The following AIM2 variants were observed in gnomAD, a reference collection of about 807,000 sequenced individuals.
AIM2 encodes the protein interferon-inducible protein AIM2.
Under a neutral mutation model 27.7 loss-of-function variants are expected in AIM2, and 30 were observed. The observed-to-expected ratio is 1.08, with a 90% CI of 0.81 to 1.47. The LOEUF is 1.47. Among genes scored for constraint, AIM2 ranks in the 40% most tolerant of loss-of-function variants. The pLI is 0.00. For missense variants in AIM2, 358 were observed against 411.3 expected, an observed-to-expected ratio of 0.87 and a Z score of 1.12; for synonymous variants, 141 against 145.3, an observed-to-expected ratio of 0.97 and a Z score of 0.21.
At chr1:159,111,651 A>G (rs1657574228) in intron 1 of AIM2, among the ~76,000 whole-genome samples, 1 of 152,106 alleles carries the variant, frequency 6.6e-6, no homozygotes, top group South Asian at 2.1e-4. Context: ...TTAAAAGATG[A>G]AAGCAAACAT....
chr1:159,063,963 TTC>T (rs1488737545), intron 4 of AIM2, among the ~76,000 whole-genome samples: 1 of 152,222 alleles, frequency 6.6e-6, no homozygotes. Flanking sequence ...TTAGTATATT[TTC>T]TTTTTTATAA....
At chr1:159,056,902 G>A in the AIM2 span, among the ~76,000 whole-genome samples, 1 of 152,056 alleles carries the variant, frequency 6.6e-6, no homozygotes, top group Non-Finnish European at 1.5e-5. Context: ...TATCAGTGAA[G>A]AGAGAACTGA....
chr1:159,128,328 G>C (rs533633485), intron 1 of AIM2, among the ~76,000 whole-genome samples: 1 of 151,828 alleles, frequency 6.6e-6, no homozygotes, highest in Non-Finnish European at 1.5e-5. Context: ...TGACTCTGGG[G>C]TTACACGAGT....
At chr1:159,143,365 T>A (rs1189740519), upstream of AIM2, among the ~76,000 whole-genome samples, 1 of 152,110 alleles carries the variant, frequency 6.6e-6, no homozygotes, top group Non-Finnish European at 1.5e-5. Context: ...ATTGTGTCTA[T>A]TATAGACTTG....
upstream of AIM2, among the ~76,000 whole-genome samples, chr1:159,143,166 T>C (rs1388687530): frequency 6.6e-6 from 1 of 152,052 alleles, no homozygotes; most frequent in Non-Finnish European, 1.5e-5. Context: ...AATTACAACA[T>C]CTCCCACTTC....
At chr1:159,065,796 T>C in intron 4 of AIM2, 114 bp downstream of exon 4, 1 of 1,165,772 alleles carries the variant, frequency 8.6e-7, no homozygotes, top group Middle Eastern at 2.8e-4. Flanking sequence ...ACTTTGTATT[T>C]TTTTATTTTG....
intron 1 of AIM2, among the ~76,000 whole-genome samples, chr1:159,113,388 T>C (rs1192568178): frequency 6.6e-6 from 1 of 152,250 alleles, no homozygotes; most frequent in African/African-American, 2.4e-5. Flanking sequence ...TTAAGATACC[T>C]GGAGACCAAC....
chr1:159,112,445 C>A (rs1657595724), intron 1 of AIM2, among the ~76,000 whole-genome samples: 1 of 152,084 alleles, frequency 6.6e-6, no homozygotes, highest in Non-Finnish European at 1.5e-5. Flanking sequence ...AATTGAGAGA[C>A]CTCAAGGAAT....
chr1:159,125,220 G>A (rs577076772), intron 1 of AIM2, among the ~76,000 whole-genome samples: 1 of 152,082 alleles, frequency 6.6e-6, no homozygotes, highest in Non-Finnish European at 1.5e-5. Context: ...TCAGCAAAAC[G>A]GTATAAAAGC....
At chr1:159,101,452 G>A (rs759677796) in intron 1 of AIM2, among the ~76,000 whole-genome samples, 1 of 152,102 alleles carries the variant, frequency 6.6e-6, no homozygotes, top group Non-Finnish European at 1.5e-5. Context: ...GAACTAATAC[G>A]GTAAATTGGT....
At chr1:159,075,043 A>C (rs1261774416) in intron 1 of AIM2, among the ~76,000 whole-genome samples, 2 of 152,222 alleles carry the variant, frequency 1.3e-5, no homozygotes, top group African/African-American at 4.8e-5. Context: ...CCCTACTACT[A>C]GGTATCAATA....
chr1:159,102,614 T>C (rs1171521609), intron 1 of AIM2, among the ~76,000 whole-genome samples: 1 of 152,234 alleles, frequency 6.6e-6, no homozygotes, highest in Admixed American at 6.5e-5. Context: ...CCCAAAGCCA[T>C]GGGAGCACAC....
chr1:159,133,644 T>C (rs1647952125), intron 1 of AIM2, among the ~76,000 whole-genome samples: 1 of 152,216 alleles, frequency 6.6e-6, no homozygotes, highest in South Asian at 2.1e-4. Flanking sequence ...TTAGTTATCA[T>C]CACTACTGAC....
intron 1 of AIM2, among the ~76,000 whole-genome samples, chr1:159,104,894 G>A (rs1043333553): frequency 3.9e-5 from 6 of 152,268 alleles, no homozygotes; most frequent in South Asian, 2.1e-4. Context: ...TAATACCTAC[G>A]ACATAGAGTT....
At chr1:159,142,864 G>A (rs192236646), upstream of AIM2, among the ~76,000 whole-genome samples, 466 of 152,098 alleles carry the variant, frequency 3.1e-3, 5 homozygotes, top group Middle Eastern at 0.014. Flanking sequence ...GGGAATAATT[G>A]GATTCTATGC....
chr1:159,135,500 G>A (rs960774755), intron 1 of AIM2, among the ~76,000 whole-genome samples: 1 of 152,172 alleles, frequency 6.6e-6, no homozygotes, highest in African/African-American at 2.4e-5. Flanking sequence ...GCTGTGCTTA[G>A]TACAGGCCAC....
chr1:159,100,672 T>C (rs1657293362), intron 1 of AIM2, among the ~76,000 whole-genome samples: 1 of 152,180 alleles, frequency 6.6e-6, no homozygotes, highest in African/African-American at 2.4e-5. Flanking sequence ...TGTCTTACAT[T>C]TTACCTGTAG....
At chr1:159,070,922 C>A (rs1163712115) in intron 2 of AIM2, among the ~76,000 whole-genome samples, 2 of 152,206 alleles carry the variant, frequency 1.3e-5, no homozygotes, top group African/African-American at 2.4e-5. Context: ...TCTACCACAT[C>A]ACATCAGCCA....
intron 1 of AIM2, among the ~76,000 whole-genome samples, chr1:159,109,898 A>T (rs984522136): frequency 2.6e-5 from 4 of 152,090 alleles, no homozygotes; most frequent in South Asian, 2.1e-4. Context: ...ATCAAAAAAT[A>T]AAAAAATAGT....
Sources: gnomAD v4.1 joint callset for allele counts (sites outside exome capture counted in the v4.1 genomes callset) on GRCh38, gnomAD v4.1.1 for gene constraint, MANE v1.5 for transcripts, NCBI Gene and HGNC (gene_info 2026-07-23, HGNC 2026-07-21) for gene names.